Variants in KCTD3 observed in about 807,000 individuals in gnomAD.
KCTD3 encodes the protein BTB/POZ domain-containing protein KCTD3.
In KCTD3, 41 loss-of-function variants were observed where a neutral mutation model predicts 85.8. The ratio of observed to expected loss-of-function variants is 0.48; its 90% CI spans 0.37 to 0.62. The LOEUF (loss-of-function observed/expected upper bound fraction) is 0.62, where lower values mean the gene tolerates loss of function less well. Among genes scored for constraint, KCTD3 ranks in the 20% least tolerant of loss-of-function variants. The probability of loss-of-function intolerance (pLI) is 0.00; values close to 1 mark genes in which losing one functional copy is unlikely to be tolerated. For synonymous variants in KCTD3, 338 were observed against 345.4 expected, an observed-to-expected ratio of 0.98 and a Z score of 0.24; for missense variants, 724 against 989.9, an observed-to-expected ratio of 0.73 and a Z score of 3.60.
intron 1 of KCTD3, among the ~76,000 whole-genome samples, chr1:215,569,397 G>A (rs1226040548): frequency 6.6e-6 from 1 of 152,056 alleles, no homozygotes; most frequent in African/African-American, 2.4e-5. Flanking sequence ...GGAATTACAG[G>A]CGTGAGCCAC....
chr1:215,581,634 A>G (rs1402222768), intron 8 of KCTD3, among the ~76,000 whole-genome samples: 1 of 152,214 alleles, frequency 6.6e-6, no homozygotes, highest in Non-Finnish European at 1.5e-5. Context: ...TAATAATTGT[A>G]TGGAGGATGA....
At chr1:215,599,357 G>T (rs1022091250) in intron 10 of KCTD3, among the ~76,000 whole-genome samples, 1 of 152,058 alleles carries the variant, frequency 6.6e-6, no homozygotes, top group African/African-American at 2.4e-5. Flanking sequence ...ATGGACGAAG[G>T]TTAAAACATC....
rs1424848948 is a variant in KCTD3, at chr1:215,620,050, A to G, written c.1887-7A>G. ...CTGAACTGTCATTTTTAAAAACTGT[A>G]TTTCAGCCTTCAGCTTCAGCACCAT... On this transcript the variant is annotated splice_region_variant and splice_polypyrimidine_tract_variant and intron_variant, in intron 17 of 17. Transcript: ENST00000259154. 1 of 1,558,212 alleles carries G rather than the reference A, an allele frequency of 6.4e-7. No homozygotes were observed.
In KCTD3 at chr1:215,579,148, A is replaced by T; in HGVS notation, c.535+11A>T. On this transcript the variant is annotated intron_variant, in intron 7 of 17. Transcript: ENST00000259154. The stretch of plus-strand genomic sequence containing the variant: ...AAACTGTTAGGCTAGGTAAGCAAAG[A>T]TTACAGAAATAGAAAAAGAAAAATA... The T allele has an allele frequency of 6.2e-7, 1 of 1,606,358 alleles. No homozygotes were observed. Among genetic ancestry groups the T allele is most frequent in the South Asian group, 1.1e-5 (1 of 90,388 alleles).
intron 9 of KCTD3, among the ~76,000 whole-genome samples, chr1:215,588,674 G>A (rs913645875): frequency 6.6e-6 from 1 of 152,092 alleles, no homozygotes; most frequent in Non-Finnish European, 1.5e-5. Context: ...TTGTAGCTAT[G>A]CATTCACATA....
intron 9 of KCTD3, among the ~76,000 whole-genome samples, chr1:215,588,018 C>G (rs1162081235): frequency 5.9e-5 from 9 of 152,148 alleles, no homozygotes; most frequent in African/African-American, 1.9e-4. Flanking sequence ...CTCACTGTGG[C>G]AGATAAAAGT....
intron 3 of KCTD3, among the ~76,000 whole-genome samples, chr1:215,574,846 G>A (rs7522198): frequency 0.027 from 4,082 of 152,274 alleles, 181 homozygotes; most frequent in African/African-American, 0.092. Context: ...ATTACTGGCT[G>A]CCATTTCCCT....
chr1:215,571,337 G>C (rs1159859110), intron 1 of KCTD3, among the ~76,000 whole-genome samples: 1 of 152,066 alleles, frequency 6.6e-6, no homozygotes, highest in Non-Finnish European at 1.5e-5. Context: ...TTTTTCTTAA[G>C]AGTCTATTAA....
chr1:215,595,732 G>A (rs767826671), intron 10 of KCTD3, among the ~76,000 whole-genome samples: 4 of 152,120 alleles, frequency 2.6e-5, no homozygotes, highest in Non-Finnish European at 4.4e-5. Context: ...TCTATGCCTT[G>A]AGCATGGTAG....
At chr1:215,579,158 T>C in intron 7 of KCTD3, 21 bp downstream of exon 7, 1 of 1,600,320 alleles carries the variant, frequency 6.2e-7, no homozygotes, top group East Asian at 2.3e-5. Context: ...ATTACAGAAA[T>C]AGAAAAAGAA....
At position 215,586,546 on chromosome 1, in the gene KCTD3, T is replaced by A. The variant is rs755901570; in HGVS notation, c.678T>A (p.Asp226Glu). 24 of 1,614,002 alleles carry A rather than the reference T, an allele frequency of 1.5e-5. No homozygotes were observed. Among genetic ancestry groups the A allele is most frequent in the Non-Finnish European group, 2.0e-5 (24 of 1,180,030 alleles). Residue 226 changes from aspartate (D) to glutamate (E), a missense_variant, in exon 9 of 18, where the codon GAT becomes GAA. Transcript: ENST00000259154. Reference sequence around the variant, plus strand: ...AAGTGTTTACGAGCCCATATTTGGATTGGACTATCGAACGAGTAGCTTTAA... The same window carrying A: ...AAGTGTTTACGAGCCCATATTTGGAATGGACTATCGAACGAGTAGCTTTAA... ...WQQVFTSPYL[D>E]WTIERVALNA...
intron 14 of KCTD3, among the ~76,000 whole-genome samples, chr1:215,609,218 G>C (rs1449201522): frequency 6.6e-6 from 1 of 151,974 alleles, no homozygotes; most frequent in Non-Finnish European, 1.5e-5. Flanking sequence ...AGAACACACA[G>C]AGGTTTTAAT....
At chr1:215,573,623 A>G (rs758924755) in intron 1 of KCTD3, among the ~76,000 whole-genome samples, 163 bp from the exon 2 acceptor site, 24 of 152,188 alleles carry the variant, frequency 1.6e-4, no homozygotes, top group Non-Finnish European at 5.9e-5. Flanking sequence ...CTCTGAATTG[A>G]AAGTAGCAAC....
chr1:215,608,246 C>A (rs1050873144), intron 14 of KCTD3, 74 bp downstream of exon 14: 5 of 939,170 alleles, frequency 5.3e-6, no homozygotes, highest in African/African-American at 1.7e-5. Context: ...ACTAATAAAA[C>A]CACAAAAATG....
chr1:215,601,931 A>G lies in KCTD3; in HGVS notation c.998A>G (p.Asn333Ser), dbSNP rs756684322. The G allele has an allele frequency of 1.3e-5, 21 of 1,602,484 alleles. No homozygotes were observed. In the Admixed American group the frequency reaches 3.3e-4, roughly 25 times the overall value. The stretch of plus-strand genomic sequence containing the variant: ...GGATCATTCCTTCTGCTTGGATGTA[A>G]CAATGGATCAATATATTACATAGGT... ...TAGSFLLLGC[N>S]NGSIYYIDMQ... Residue 333 changes from asparagine (N) to serine (S), a missense_variant, in exon 11 of 18, where the codon AAC becomes AGC. By Grantham distance (46) the Asn-to-Ser change is conservative (BLOSUM62 1). This residue lies in a region of KCTD3 where 146 missense variants were observed against 320.3 expected (regional missense o/e 0.46). Coordinates refer to ENST00000259154, the MANE Select transcript of KCTD3 (RefSeq NM_016121.5).
chr1:215,602,023 C>A (rs1571891556), intron 11 of KCTD3, 62 bp from the exon 12 acceptor site: 1 of 1,406,302 alleles, frequency 7.1e-7, no homozygotes, highest in South Asian at 1.2e-5. Flanking sequence ...GAAAACATTA[C>A]CTTTCAGTTT....
chr1:215,581,383 A>AT (rs952419653), intron 8 of KCTD3, among the ~76,000 whole-genome samples: 1 of 151,504 alleles, frequency 6.6e-6, no homozygotes, highest in Non-Finnish European at 1.5e-5. Flanking sequence ...TGGTAAAGTA[A>AT]TTTTTTTTTA....
At chr1:215,584,702 A>G (rs1659945535) in intron 8 of KCTD3, among the ~76,000 whole-genome samples, 1 of 152,158 alleles carries the variant, frequency 6.6e-6, no homozygotes, top group South Asian at 2.1e-4. Flanking sequence ...GTCAAATTTG[A>G]TTCCTTAAAC....
Position 215,620,562 on chromosome 1 carries a change from A to G in KCTD3, c.2392A>G (p.Thr798Ala). Residue 798 changes from threonine to alanine, a missense_variant, in exon 18 of 18, where the codon ACT (threonine) becomes GCT (alanine). By Grantham distance (58) the Thr-to-Ala change is moderately conservative (BLOSUM62 0). Around this residue, in one of 6 missense-constraint regions of KCTD3, gnomAD observed 222 missense variants for 217.7 expected, o/e 1.02. Coordinates refer to ENST00000259154, the MANE Select transcript of KCTD3 (RefSeq NM_016121.5). ...GTASPSPTKT[T>A]PSPRHKKSDS... The stretch of plus-strand genomic sequence containing the variant: ...TGCGTCCCCATCTCCTACAAAGACT[A>G]CTCCATCTCCTCGGCATAAAAAAAG... 1.2e-6 allele frequency: 2 copies of G among 1,611,934 alleles called. No homozygotes were observed. The highest frequency in any genetic ancestry group is 1.7e-6 in the Non-Finnish European group (2 of 1,179,240).
Sources: allele counts gnomAD v4.1 joint callset (sites outside exome capture counted in the v4.1 genomes callset), GRCh38; gene constraint gnomAD v4.1.1; regional missense constraint gnomAD v4.1.1; transcripts MANE v1.5; gene names NCBI Gene and HGNC (gene_info 2026-07-23, HGNC 2026-07-21).